Variants in CLTCL1 observed in about 807,000 individuals in gnomAD.
CLTCL1 encodes clathrin heavy chain 2.
CLTCL1 carries 159 observed loss-of-function variants against 190.0 expected under a neutral mutation model. The ratio of observed to expected loss-of-function variants is 0.84; its 90% CI spans 0.74 to 0.95. The LOEUF is 0.95. CLTCL1 is among the 40% of genes least tolerant of loss of function. CLTCL1 has a pLI of 0.00. For synonymous variants in CLTCL1, 752 were observed against 769.6 expected, an observed-to-expected ratio of 0.98 and a Z score of 0.38; for missense variants, 1,878 against 2,033.4, an observed-to-expected ratio of 0.92 and a Z score of 1.47.
chr22:19,282,363 C>T (rs369356147), intron 1 of CLTCL1, among the ~76,000 whole-genome samples: 9 of 147,020 alleles, frequency 6.1e-5, no homozygotes, highest in African/African-American at 1.3e-4. Flanking sequence ...TGGGTTCGGG[C>T]GCAGTGGGTC....
At chr22:19,233,365 G>A (rs1555960103) in intron 8 of CLTCL1, 47 bp from the exon 9 acceptor site, 1 of 1,610,656 alleles carries the variant, frequency 6.2e-7, no homozygotes, top group Admixed American at 1.7e-5. Flanking sequence ...CAGGTAGGGA[G>A]CCTGGACCAA....
intron 2 of CLTCL1, among the ~76,000 whole-genome samples, chr22:19,267,128 T>C (rs1569241265): frequency 6.6e-6 from 1 of 152,142 alleles, no homozygotes; most frequent in East Asian, 1.9e-4. Flanking sequence ...TTAATAAGTA[T>C]ATAGGATACA....
At chr22:19,290,965 G>A (rs1236360661) in intron 1 of CLTCL1, among the ~76,000 whole-genome samples, 3 of 152,168 alleles carry the variant, frequency 2.0e-5, no homozygotes, top group South Asian at 2.1e-4. Context: ...GGGCAGACCC[G>A]CGAGCGGCCC....
chr22:19,201,514 C>T (rs2084885462), intron 22 of CLTCL1, 21 bp from the exon 23 acceptor site: 3 of 1,599,040 alleles, frequency 1.9e-6, no homozygotes, highest in Non-Finnish European at 2.6e-6. Flanking sequence ...TAGGGTAGCT[C>T]GACTGAGACA....
chr22:19,285,137 T>C (rs2087859696), intron 1 of CLTCL1, among the ~76,000 whole-genome samples: 1 of 150,840 alleles, frequency 6.6e-6, no homozygotes, highest in South Asian at 2.1e-4. Flanking sequence ...TAGCTGGACG[T>C]GGTGGTGGGT....
intron 16 of CLTCL1, 66 bp from the exon 17 acceptor site, chr22:19,221,677 G>T: frequency 7.4e-7 from 1 of 1,358,512 alleles, no homozygotes; most frequent in Non-Finnish European, 1.0e-6. Flanking sequence ...GGCAACTCCA[G>T]GGCTCTGACA....
intron 1 of CLTCL1, 87 bp downstream of exon 1, chr22:19,291,513 G>A (rs1555993672): frequency 1.7e-6 from 2 of 1,184,516 alleles, no homozygotes; most frequent in East Asian, 3.3e-5. Flanking sequence ...GCGGCTCAGC[G>A]GGGCTGGGGG....
At chr22:19,204,196 A>G (rs782186135) in intron 22 of CLTCL1, among the ~76,000 whole-genome samples, 2 of 152,126 alleles carry the variant, frequency 1.3e-5, no homozygotes, top group Non-Finnish European at 2.9e-5. Context: ...AGCAGAAGCC[A>G]GAGAAGCCAG....
At chr22:19,231,826 A>AT (rs1265686786) in intron 10 of CLTCL1, among the ~76,000 whole-genome samples, 3 of 152,178 alleles carry the variant, frequency 2.0e-5, no homozygotes, top group Non-Finnish European at 4.4e-5. Context: ...AGCTAAGTAA[A>AT]TTTGTCTCAA....
Position 19,183,403 on chromosome 22 carries a change from T to TCC in CLTCL1, c.4812_4813dup (p.Glu1605GlyfsTer4). ...CCCGGCACCTACCTTGCTCAGGTAC[T>TCC]CCCTCATCACCTGGATGAAGTAGGG... On this transcript the variant is annotated frameshift_variant, in exon 30 of 33. Transcript: ENST00000427926. LOFTEE classifies it high-confidence loss of function. 6.2e-7 allele frequency: 1 copy of TCC among 1,613,258 alleles called. No individual in the cohort carries two copies. The highest frequency in any genetic ancestry group is 1.1e-5 in the South Asian group (1 of 91,050).
intron 3 of CLTCL1, among the ~76,000 whole-genome samples, chr22:19,251,634 T>G (rs1327730538): frequency 6.6e-6 from 1 of 152,000 alleles, no homozygotes; most frequent in Non-Finnish European, 1.5e-5. Flanking sequence ...TTTTTTGTAT[T>G]TTTAGTAGAG....
At chr22:19,232,959 C>G in intron 9 of CLTCL1, 1 of 603,790 alleles carries the variant, frequency 1.7e-6, no homozygotes, top group Non-Finnish European at 2.8e-6. Flanking sequence ...CCAAATAAAA[C>G]GAAGATGGAA....
chr22:19,242,766 G>A lies in CLTCL1; in HGVS notation c.681+9C>T, dbSNP rs782269420. On this transcript the variant is annotated intron_variant, in intron 4 of 32. Transcript: ENST00000427926. ...TTTCTCAGGGAGAAGACAGTAGAGT[G>A]GATCTTACCTTGCCTCCTGTGGGAT... 1 of 1,613,832 alleles carries A rather than the reference G, an allele frequency of 6.2e-7. No individual in the cohort carries two copies. The highest frequency in any genetic ancestry group is 1.1e-5 in the South Asian group (1 of 91,064).
intron 21 of CLTCL1, 21 bp from the exon 22 acceptor site, chr22:19,208,332 T>C (rs372918892): frequency 9.9e-6 from 16 of 1,611,958 alleles, no homozygotes; most frequent in Middle Eastern, 1.9e-4. Flanking sequence ...AAAACAAAGA[T>C]AGGTTAACCC....
chr22:19,284,724 G>A (rs1257657950), intron 1 of CLTCL1, among the ~76,000 whole-genome samples: 2 of 152,060 alleles, frequency 1.3e-5, no homozygotes, highest in East Asian at 1.9e-4. Context: ...GGGAGGCTGA[G>A]GTGGGCGGAT....
intron 2 of CLTCL1, among the ~76,000 whole-genome samples, chr22:19,268,116 T>C (rs761299591): frequency 7.4e-4 from 113 of 152,164 alleles, no homozygotes; most frequent in Non-Finnish European, 1.3e-3. Context: ...TGGAGCCTTT[T>C]GGGAGGCAAG....
intron 3 of CLTCL1, among the ~76,000 whole-genome samples, chr22:19,247,858 GC>G (rs1419234553): frequency 6.6e-6 from 1 of 151,968 alleles, no homozygotes; most frequent in Non-Finnish European, 1.5e-5. Flanking sequence ...ACCGTGCCTG[GC>G]CCCCAAGGGT....
chr22:19,213,285 T>C (rs1051742523), intron 19 of CLTCL1, among the ~76,000 whole-genome samples: 1 of 151,890 alleles, frequency 6.6e-6, no homozygotes, highest in African/African-American at 2.4e-5. Context: ...CTGCTATACA[T>C]TTATGAGACT....
intron 2 of CLTCL1, among the ~76,000 whole-genome samples, chr22:19,262,176 C>T (rs2086970751): frequency 6.6e-6 from 1 of 151,822 alleles, no homozygotes; most frequent in African/African-American, 2.4e-5. Context: ...CAGGAGCGTG[C>T]CACCAGGCCC....
Sources: allele counts gnomAD v4.1 joint callset (sites outside exome capture counted in the v4.1 genomes callset), GRCh38; gene constraint gnomAD v4.1.1; transcripts MANE v1.5; gene names NCBI Gene and HGNC (gene_info 2026-07-23, HGNC 2026-07-21).